Variants in TET1 observed in about 807,000 individuals in gnomAD.
TET1 encodes methylcytosine dioxygenase TET1.
A neutral mutation model predicts 148.7 loss-of-function variants in TET1; 13 were observed. The ratio of observed to expected loss-of-function variants is 0.09; its 90% CI spans 0.06 to 0.14. The LOEUF is 0.14. Ranked by LOEUF, TET1 falls within the 10% of genes least tolerant of loss-of-function variation. The pLI, the probability that TET1 is intolerant of heterozygous loss-of-function variation, is 1.00. For missense variants in TET1, 2,182 were observed against 2,553.8 expected (o/e 0.85, Z 3.14); for synonymous variants, 907 against 937.2 (o/e 0.97, Z 0.59).
chr10:68,690,346 G>T (rs555638477), intron 11 of TET1, among the ~76,000 whole-genome samples: 1 of 152,198 alleles, frequency 6.6e-6, no homozygotes, highest in African/African-American at 2.4e-5. Flanking sequence ...AGTAGCTCAA[G>T]CCTGTAATCC....
At chr10:68,656,768 G>A (rs1003708445) in intron 6 of TET1, among the ~76,000 whole-genome samples, 6 of 152,194 alleles carry the variant, frequency 3.9e-5, no homozygotes, top group Non-Finnish European at 2.9e-5. Context: ...GCTCACGCCT[G>A]TAATCCCAGC....
At chr10:68,564,887 G>T (rs1400629609) in intron 1 of TET1, among the ~76,000 whole-genome samples, 1 of 152,090 alleles carries the variant, frequency 6.6e-6, no homozygotes, top group East Asian at 1.9e-4. Context: ...GCCAGGCATG[G>T]TGGCCTGTGC....
At position 68,691,856 on chromosome 10, in the gene TET1, A is replaced by AT; in HGVS notation, c.*48dup. The AT allele has an allele frequency of 6.5e-7, 1 of 1,542,696 alleles. No homozygotes were observed. Among genetic ancestry groups the AT allele is most frequent in the Non-Finnish European group, 8.7e-7 (1 of 1,147,482 alleles). On this transcript the variant is annotated 3_prime_UTR_variant, in exon 12 of 12. Coordinates refer to ENST00000373644, the MANE Select transcript of TET1 (RefSeq NM_030625.3). The surrounding 1 kb of genome is among the most constrained non-coding windows in gnomAD (Gnocchi z 4.4). ...CTTAATGCCTTTGCTAGTGCAGTGT[A>AT]TTTTTTCAAGGTGCTGTTAAAAGAA... is the stretch of plus-strand genomic sequence containing the variant.
At chr10:68,681,707 C>T (rs1357026900) in intron 9 of TET1, among the ~76,000 whole-genome samples, 1 of 152,134 alleles carries the variant, frequency 6.6e-6, no homozygotes, top group African/African-American at 2.4e-5. Flanking sequence ...TAGCTCACGC[C>T]TGTAATCCCA....
At chr10:68,655,344 A>G (rs1214017748) in intron 6 of TET1, among the ~76,000 whole-genome samples, 2 of 152,200 alleles carry the variant, frequency 1.3e-5, no homozygotes, top group African/African-American at 2.4e-5. Context: ...TGTCTGGCCT[A>G]TCCATAGTAC....
chr10:68,675,865 G>A (rs914412487), intron 8 of TET1, among the ~76,000 whole-genome samples: 1 of 151,948 alleles, frequency 6.6e-6, no homozygotes. Context: ...TTTTGTTGTT[G>A]TTGTCTTGAG....
chr10:68,583,581 A>G (rs2053825938), intron 2 of TET1, among the ~76,000 whole-genome samples: 1 of 152,196 alleles, frequency 6.6e-6, no homozygotes, highest in African/African-American at 2.4e-5. Context: ...CTGTTTCTAA[A>G]GAAGGCCCTG....
chr10:68,614,977 G>T (rs1321599043), intron 3 of TET1, among the ~76,000 whole-genome samples: 3 of 149,032 alleles, frequency 2.0e-5, no homozygotes, highest in Non-Finnish European at 4.4e-5. Flanking sequence ...TTTTGCCCAT[G>T]TTGGCACTCC....
chr10:68,658,147 G>A (rs755668137), intron 6 of TET1, among the ~76,000 whole-genome samples: 3 of 151,988 alleles, frequency 2.0e-5, no homozygotes, highest in Non-Finnish European at 2.9e-5. Flanking sequence ...CCATGTATAT[G>A]CTTAGGTTTG....
chr10:68,633,146 A>G (rs1482353850), intron 3 of TET1, among the ~76,000 whole-genome samples: 1 of 152,088 alleles, frequency 6.6e-6, no homozygotes, highest in Non-Finnish European at 1.5e-5. Flanking sequence ...ATTGCCCCAC[A>G]GCATTCCACC....
At chr10:68,688,382 G>A (rs896474571) in intron 11 of TET1, among the ~76,000 whole-genome samples, 6 of 150,556 alleles carry the variant, frequency 4.0e-5, no homozygotes, top group African/African-American at 9.8e-5. Flanking sequence ...CACCACGCCC[G>A]GCTGGCTTCT....
At chr10:68,578,263 A>T (rs2053754695) in intron 2 of TET1, among the ~76,000 whole-genome samples, 2 of 151,900 alleles carry the variant, frequency 1.3e-5, no homozygotes, top group Non-Finnish European at 2.9e-5. Flanking sequence ...ATTTTATTTT[A>T]TTTATTTATT....
At chr10:68,666,658 G>A (rs1333724433) in intron 6 of TET1, among the ~76,000 whole-genome samples, 1 of 152,194 alleles carries the variant, frequency 6.6e-6, no homozygotes, top group Non-Finnish European at 1.5e-5. Context: ...ACGTGTCACA[G>A]ATTTTTGTTC....
intron 2 of TET1, among the ~76,000 whole-genome samples, chr10:68,580,714 G>A (rs143028489): frequency 0.048 from 7,156 of 148,578 alleles, 599 homozygotes; most frequent in African/African-American, 0.17. Flanking sequence ...CCCAGGAGAC[G>A]GAGGTTGGGG....
chr10:68,632,990 C>T (rs760883309), intron 3 of TET1, among the ~76,000 whole-genome samples: 2 of 151,940 alleles, frequency 1.3e-5, no homozygotes, highest in Non-Finnish European at 2.9e-5. Context: ...TCGAGAGCAG[C>T]TTGTCTAACG....
chr10:68,625,534 C>T (rs763969470), intron 3 of TET1, among the ~76,000 whole-genome samples: 21 of 152,116 alleles, frequency 1.4e-4, no homozygotes, highest in Non-Finnish European at 2.1e-4. Context: ...ATTTTAGGGT[C>T]AGGATGTAAC....
intron 2 of TET1, among the ~76,000 whole-genome samples, chr10:68,580,782 CAA>C (rs71483915): frequency 0.045 from 4,231 of 94,888 alleles, 71 homozygotes; most frequent in Middle Eastern, 0.075. Context: ...AACTCCATCT[CAA>C]AAAAAAAAAA....
In TET1 at chr10:68,676,246, A is replaced by G. The variant is rs1399217275; in HGVS notation, c.4824+3201A>G. ...TATATGTATGTATGTGTATATATAT[A>G]TATATATATATATATATATATATTT... On this transcript the variant is annotated intron_variant, in intron 8 of 11. Transcript: ENST00000373644. Among the ~76,000 whole-genome samples, 140 of 14,272 alleles carry G rather than the reference A, an allele frequency of 9.8e-3. 1 individual carries two copies. Among genetic ancestry groups the G allele is most frequent in the African/African-American group, 0.037 (130 of 3,544 alleles). 9.4% of individuals were successfully genotyped at this position (14,272 alleles called of 152,430 possible). A position where few individuals can be genotyped will look rare whatever the true frequency, so the allele number is the denominator to read the frequency against.
rs370393710 is a variant in TET1, at chr10:68,676,517, G to A, written c.4824+3472G>A. 2.1e-3 allele frequency among the ~76,000 whole-genome samples: 319 copies of A among 150,362 alleles called. 3 individuals are homozygous for A. Among genetic ancestry groups the A allele is most frequent in the African/African-American group, 7.2e-3 (294 of 40,870 alleles). On this transcript the variant is annotated intron_variant, in intron 8 of 11. Coordinates refer to ENST00000373644, the MANE Select transcript of TET1 (RefSeq NM_030625.3). ...TCTCAATCTCTTGACCTTGTGATCC[G>A]CCTGCCTCAGCCTCCCAAAGTGCTA...
Sources: allele counts gnomAD v4.1 joint callset (sites outside exome capture counted in the v4.1 genomes callset), GRCh38; gene constraint gnomAD v4.1.1; non-coding constraint Gnocchi (gnomAD v3.1); transcripts MANE v1.5; gene names NCBI Gene and HGNC (gene_info 2026-07-23, HGNC 2026-07-21).